The following ELAVL4 variants were observed in gnomAD, a reference collection of about 807,000 sequenced individuals.
ELAVL4 encodes ELAV like RNA binding protein 4.
ELAVL4 carries 1 observed loss-of-function variant against 35.6 expected under a neutral mutation model. The observed-to-expected ratio is 0.03, with a 90% CI of 0.01 to 0.13. The LOEUF (loss-of-function observed/expected upper bound fraction) is 0.13, where lower values mean the gene tolerates loss of function less well. ELAVL4 is among the 10% of genes least tolerant of loss of function. ELAVL4 has a pLI of 1.00. For missense variants in ELAVL4, 267 were observed against 464.9 expected, an observed-to-expected ratio of 0.57 and a Z score of 3.91; for synonymous variants, 156 against 171.0, an observed-to-expected ratio of 0.91 and a Z score of 0.69.
At chr1:50,051,173 C>G (rs1663356290) in intron 1 of ELAVL4, among the ~76,000 whole-genome samples, 1 of 152,056 alleles carries the variant, frequency 6.6e-6, no homozygotes, top group Non-Finnish European at 1.5e-5. Context: ...GTGAGGGAAG[C>G]AAAAACTTTT....
At chr1:50,200,618 T>C (rs1380297774) in intron 6 of ELAVL4, among the ~76,000 whole-genome samples, 1 of 152,214 alleles carries the variant, frequency 6.6e-6, no homozygotes, top group Non-Finnish European at 1.5e-5. Context: ...TTATGGTTTT[T>C]AGAAATTGAC....
intron 6 of ELAVL4, among the ~76,000 whole-genome samples, chr1:50,198,019 A>C (rs1242805961): frequency 6.6e-6 from 1 of 152,252 alleles, no homozygotes; most frequent in Admixed American, 6.5e-5. Flanking sequence ...TGTGCATTTC[A>C]GAGCACATCC....
intron 1 of ELAVL4, among the ~76,000 whole-genome samples, chr1:50,051,119 A>G (rs1177896400): frequency 6.6e-6 from 1 of 152,170 alleles, no homozygotes; most frequent in Non-Finnish European, 1.5e-5. Flanking sequence ...CTTAGTAGTC[A>G]TGAACTTTTT....
intron 3 of ELAVL4, among the ~76,000 whole-genome samples, chr1:50,178,121 C>T (rs986684938): frequency 2.0e-5 from 3 of 152,208 alleles, no homozygotes; most frequent in South Asian, 2.1e-4. Context: ...CTCCAGGCAG[C>T]GTCCTGCTTA....
intron 2 of ELAVL4, among the ~76,000 whole-genome samples, chr1:50,160,632 G>C (rs1280600239): frequency 6.6e-6 from 1 of 152,186 alleles, no homozygotes; most frequent in African/African-American, 2.4e-5. Flanking sequence ...TGTTATTTCA[G>C]AAAGGACACG....
chr1:50,165,846 A>G (rs939639797), intron 2 of ELAVL4, among the ~76,000 whole-genome samples: 6 of 151,542 alleles, frequency 4.0e-5, no homozygotes, highest in Non-Finnish European at 7.4e-5. Flanking sequence ...ATATATATAA[A>G]GGGGAGTTTA....
At position 50,109,024 on chromosome 1, in the gene ELAVL4, C is replaced by T; in HGVS notation, c.-166C>T. ...CTTTTTTTTCTTTCTCTCCCCCGCCCACCCCCCCAAAAATAATTGATTTGC... is the reference window on the plus strand; with the variant it reads ...CTTTTTTTTCTTTCTCTCCCCCGCCTACCCCCCCAAAAATAATTGATTTGC... On this transcript the variant is annotated 5_prime_UTR_variant, in exon 1 of 7. Coordinates refer to ENST00000371824, the MANE Select transcript of ELAVL4 (RefSeq NM_001144774.3). 1.7e-6 allele frequency: 1 copy of T among 598,224 alleles called. No homozygotes were observed. Among genetic ancestry groups the T allele is most frequent in the Non-Finnish European group, 2.1e-6 (1 of 480,716 alleles). The allele number at this position is 598,224 out of a possible 1,614,324, so 37.1% of individuals were successfully genotyped here. A position where few individuals can be genotyped will look rare whatever the true frequency, so the allele number is the denominator to read the frequency against.
chr1:50,109,823 T>G, intron 1 of ELAVL4: 1 of 1,320,022 alleles, frequency 7.6e-7, no homozygotes, highest in Non-Finnish European at 1.1e-6. Context: ...GCCTGGCGTG[T>G]TGAGTTGTTG....
In ELAVL4 at chr1:50,202,478, G is replaced by A. The variant is rs1644427413; in HGVS notation, c.*1300G>A. On this transcript the variant is annotated 3_prime_UTR_variant, in exon 7 of 7. Coordinates refer to ENST00000371824, the MANE Select transcript of ELAVL4 (RefSeq NM_001144774.3). ...TTTGTAGCCCATGCTGATAGAATTG[G>A]GCTGTGTTGGTACATTTGAAACACT... The A allele has an allele frequency of 6.6e-6, 1 of 152,048 alleles. No homozygotes were observed. Among genetic ancestry groups the A allele is most frequent in the African/African-American group, 2.4e-5 (1 of 41,410 alleles). 9.4% of individuals were successfully genotyped at this position (152,048 alleles called of 1,614,324 possible). A position where few individuals can be genotyped will look rare whatever the true frequency, so the allele number is the denominator to read the frequency against.
At chr1:50,073,729 G>A (rs1197995980) in intron 1 of ELAVL4, among the ~76,000 whole-genome samples, 1 of 152,018 alleles carries the variant, frequency 6.6e-6, no homozygotes, top group Non-Finnish European at 1.5e-5. Context: ...GGAGTTTGAG[G>A]AATAATGGCT....
intron 1 of ELAVL4, among the ~76,000 whole-genome samples, chr1:50,130,670 C>T (rs997704528): frequency 6.6e-6 from 1 of 152,038 alleles, no homozygotes; most frequent in East Asian, 1.9e-4. Flanking sequence ...ACAGTAATTT[C>T]TTATTTACTT....
intron 1 of ELAVL4, among the ~76,000 whole-genome samples, chr1:50,139,522 A>G (rs1672461379): frequency 6.6e-6 from 1 of 152,202 alleles, no homozygotes. Context: ...TTATCTCTGT[A>G]TCCCCAGAGT....
intron 1 of ELAVL4, among the ~76,000 whole-genome samples, chr1:50,128,972 G>A (rs1435386695): frequency 1.3e-5 from 2 of 152,088 alleles, no homozygotes; most frequent in Non-Finnish European, 2.9e-5. Context: ...TAAACTGCAA[G>A]TGATGGCAAG....
intron 3 of ELAVL4, among the ~76,000 whole-genome samples, chr1:50,184,502 T>C (rs1681532422): frequency 6.6e-6 from 1 of 152,078 alleles, no homozygotes; most frequent in Admixed American, 6.6e-5. Flanking sequence ...GGTCAGCCCA[T>C]CCTAGTGTCT....
chr1:50,178,227 G>A (rs1680408821), intron 3 of ELAVL4, among the ~76,000 whole-genome samples: 2 of 152,186 alleles, frequency 1.3e-5, no homozygotes, highest in South Asian at 4.1e-4. Flanking sequence ...CACGACAGCA[G>A]GTCTGACGCA....
intron 1 of ELAVL4, among the ~76,000 whole-genome samples, chr1:50,123,869 T>C (rs919017215): frequency 6.6e-6 from 1 of 152,142 alleles, no homozygotes; most frequent in Non-Finnish European, 1.5e-5. Flanking sequence ...CTGTGGGTTG[T>C]AGCCATCTCT....
At chr1:50,072,736 T>C (rs747763350) in intron 1 of ELAVL4, among the ~76,000 whole-genome samples, 3 of 152,216 alleles carry the variant, frequency 2.0e-5, no homozygotes, top group Non-Finnish European at 4.4e-5. Flanking sequence ...ATGCCAGACA[T>C]TGTGCTTAAT....
intron 2 of ELAVL4, among the ~76,000 whole-genome samples, chr1:50,165,716 A>G (rs1677719353): frequency 6.8e-6 from 1 of 147,846 alleles, no homozygotes; most frequent in Admixed American, 6.8e-5. Flanking sequence ...ATACTTATAT[A>G]TGTATATACA....
At chr1:50,151,159 CACTG>C (rs769734083) in intron 2 of ELAVL4, among the ~76,000 whole-genome samples, 5 of 152,192 alleles carry the variant, frequency 3.3e-5, no homozygotes, top group Non-Finnish European at 7.3e-5. Flanking sequence ...TTGAACCCAG[CACTG>C]ACTAATTGTG....
Sources: allele counts gnomAD v4.1 joint callset (sites outside exome capture counted in the v4.1 genomes callset), GRCh38; gene constraint gnomAD v4.1.1; transcripts MANE v1.5; gene names NCBI Gene and HGNC (gene_info 2026-07-23, HGNC 2026-07-21).